The following NDUFA10 variants were observed in gnomAD, a reference collection of about 807,000 sequenced individuals.
The protein encoded by NDUFA10 is NADH:ubiquinone oxidoreductase subunit A10, also known as NADH dehydrogenase [ubiquinone] 1 alpha subcomplex subunit 10, mitochondrial.
Under a neutral mutation model 47.8 loss-of-function variants are expected in NDUFA10, and 40 were observed. The ratio of observed to expected loss-of-function variants is 0.84; its 90% CI spans 0.65 to 1.09. The LOEUF (loss-of-function observed/expected upper bound fraction) is 1.09. NDUFA10 is among the 50% of genes least tolerant of loss of function. NDUFA10 has a pLI of 0.00. For synonymous variants in NDUFA10, 183 were observed against 172.2 expected (o/e 1.06, Z -0.49); for missense variants, 413 against 451.1 (o/e 0.92, Z 0.76).
At chr2:239,976,852 T>A (rs953535484) in intron 9 of NDUFA10, among the ~76,000 whole-genome samples, 4 of 152,120 alleles carry the variant, frequency 2.6e-5, no homozygotes, top group Non-Finnish European at 5.9e-5. Flanking sequence ...AAAGACATGA[T>A]TCTCTCAGTA....
downstream of NDUFA10, among the ~76,000 whole-genome samples, chr2:239,954,568 A>G (rs1282178545): frequency 6.6e-6 from 1 of 152,236 alleles, no homozygotes; most frequent in Non-Finnish European, 1.5e-5. Flanking sequence ...AAGATAACAC[A>G]TACTGCTGAG....
intron 9 of NDUFA10, among the ~76,000 whole-genome samples, chr2:239,962,295 A>T (rs1056831813): frequency 6.6e-6 from 1 of 152,182 alleles, no homozygotes; most frequent in African/African-American, 2.4e-5. Context: ...TAAAAGAATC[A>T]GCTTTTCCTT....
intron 4 of NDUFA10, among the ~76,000 whole-genome samples, chr2:239,939,154 C>T (rs777004709): frequency 4.6e-5 from 7 of 152,180 alleles, no homozygotes; most frequent in Non-Finnish European, 8.8e-5. Flanking sequence ...ATCCAGCTGC[C>T]CGCGTTTCAT....
At position 239,961,177 on chromosome 2, in the gene NDUFA10, G is replaced by A. The variant is rs145023086; in HGVS notation, c.1009C>T (p.Arg337Cys). 34 of 1,607,164 alleles carry A rather than the reference G, an allele frequency of 2.1e-5. No homozygotes were observed. Among genetic ancestry groups the A allele is most frequent in the Non-Finnish European group, 2.7e-5 (32 of 1,176,676 alleles). ...GTGTTGTACCCAGGGCTGTACTTGC[G>A]GCCCGGCAGCTGTGGGGGAAAAAGG... The part of the protein sequence containing the change: ...VLHQFRELPG[R>C]KYSPGYNTEV... The change falls in exon 10 of 10, where the codon CGC (arginine) becomes TGC (cysteine). Residue 337 changes from arginine to cysteine, a missense_variant. Arg to Cys is a radical substitution (Grantham distance 180, BLOSUM62 -3). Coordinates refer to ENST00000252711, the MANE Select transcript of NDUFA10 (RefSeq NM_004544.4).
At chr2:239,979,339 C>T (rs904287075) in intron 9 of NDUFA10, among the ~76,000 whole-genome samples, 1 of 151,822 alleles carries the variant, frequency 6.6e-6, no homozygotes, top group Admixed American at 6.6e-5. Flanking sequence ...ACTGGCTCCA[C>T]CCCTCTCCTC....
chr2:240,025,305 T>TCAAGG lies in NDUFA10; in HGVS notation c.-5_-4insCCTTG. 6.6e-7 allele frequency: 1 copy of TCAAGG among 1,505,408 alleles called. No individual in the cohort carries two copies. The highest frequency in any genetic ancestry group is 8.8e-7 in the Non-Finnish European group (1 of 1,130,650). 93.3% of individuals were successfully genotyped at this position (1,505,408 alleles called of 1,614,324 possible). The stretch of plus-strand genomic sequence containing the variant: ...GCTTCAGGAGCCGCAAGGCCATGGC[T>TCAAGG]ACCCGGTCAGCTCAGGATCAAGGAC... On this transcript the variant is annotated 5_prime_UTR_variant, in exon 1 of 10. Coordinates refer to ENST00000252711, the MANE Select transcript of NDUFA10 (RefSeq NM_004544.4).
intron 4 of NDUFA10, among the ~76,000 whole-genome samples, chr2:239,936,947 G>C (rs1312678459): frequency 2.0e-5 from 3 of 152,174 alleles, no homozygotes; most frequent in African/African-American, 7.2e-5. Context: ...GTGACAGAGA[G>C]AGACCCTGTC....
chr2:240,025,197 CG>C, intron 1 of NDUFA10, 29 bp downstream of exon 1: 1 of 1,441,990 alleles, frequency 6.9e-7, no homozygotes, highest in Non-Finnish European at 9.1e-7. Context: ...CCTGCCACCC[CG>C]CCACCCTGCC....
chr2:239,915,425 C>CACAT (rs1238659075), intron 4 of NDUFA10, among the ~76,000 whole-genome samples: 3 of 148,130 alleles, frequency 2.0e-5, no homozygotes, highest in Admixed American at 6.7e-5. Context: ...TACACAGACA[C>CACAT]AAATATACAG....
At chr2:239,994,632 G>A (rs566896923) in intron 8 of NDUFA10, among the ~76,000 whole-genome samples, 3 of 152,118 alleles carry the variant, frequency 2.0e-5, no homozygotes, top group East Asian at 3.9e-4. Context: ...ACCCATCCCC[G>A]CCCCAGTCTG....
rs571297455 is a variant in NDUFA10, at chr2:239,898,601, C to T, written c.295-3287G>A. 4.1e-4 allele frequency among the ~76,000 whole-genome samples: 62 copies of T among 152,376 alleles called. 1 individual carries two copies. The highest frequency in any genetic ancestry group is 1.4e-3 in the African/African-American group (57 of 41,588). ...CAGGCAAGGAACGCCTCTCCAGGAA[C>T]GCCTCTCCTTCCTCTCCTTCCCTCT... On this transcript the variant is annotated intron_variant, in intron 4 of 5. Transcript: ENST00000419408.
At chr2:239,992,987 G>T (rs1333573797) in intron 8 of NDUFA10, among the ~76,000 whole-genome samples, 1 of 152,102 alleles carries the variant, frequency 6.6e-6, no homozygotes, top group Non-Finnish European at 1.5e-5. Flanking sequence ...GTACTCAAAT[G>T]AAAATAAACA....
Position 239,990,394 on chromosome 2 carries a change from C to T in NDUFA10, c.891-212G>A, listed in dbSNP as rs533705907. Among the ~76,000 whole-genome samples, 3 of 152,312 alleles carry T rather than the reference C, an allele frequency of 2.0e-5. No homozygotes were observed. The South Asian group carries it at 6.2e-4, about 32-fold the overall frequency. ...CTGCTTTTTAATATTACTCTCAGAACCTGAGGTAGCATCTTTTAAAAGCCT... is the reference window on the plus strand; with the variant it reads ...CTGCTTTTTAATATTACTCTCAGAATCTGAGGTAGCATCTTTTAAAAGCCT... On this transcript the variant is annotated intron_variant, in intron 8 of 9. Coordinates refer to ENST00000252711, the MANE Select transcript of NDUFA10 (RefSeq NM_004544.4).
intron 4 of NDUFA10, chr2:239,943,079 G>A (rs1401328922): frequency 1.3e-5 from 2 of 154,410 alleles, no homozygotes; most frequent in African/African-American, 4.8e-5. Flanking sequence ...TCCAGTCCTG[G>A]TCTCAGGCCA....
intron 4 of NDUFA10, among the ~76,000 whole-genome samples, chr2:240,015,625 C>T (rs1056801727): frequency 1.3e-5 from 2 of 152,340 alleles, no homozygotes; most frequent in Middle Eastern, 3.4e-3. Context: ...ATGCATAATC[C>T]AGGGGGCACC....
intron 8 of NDUFA10, among the ~76,000 whole-genome samples, chr2:240,000,125 C>T (rs779943132): frequency 1.3e-5 from 2 of 152,214 alleles, no homozygotes; most frequent in Non-Finnish European, 2.9e-5. Flanking sequence ...CATGTTACTG[C>T]TTTAGGTTAT....
In NDUFA10 at chr2:240,011,598, A is replaced by G; in HGVS notation, c.749+19T>C. On this transcript the variant is annotated intron_variant, in intron 6 of 9. Coordinates refer to ENST00000252711, the MANE Select transcript of NDUFA10 (RefSeq NM_004544.4). ...CGAAGAAGTTTTAGCCCTGTAAATC[A>G]GTCGTGTGTTTGGCTCACCTCATCT... 1 of 1,590,370 alleles carries G rather than the reference A, an allele frequency of 6.3e-7. No homozygotes were observed. The highest frequency in any genetic ancestry group is 8.6e-7 in the Non-Finnish European group (1 of 1,158,336).
At chr2:239,997,453 GT>G (rs755443506) in intron 8 of NDUFA10, among the ~76,000 whole-genome samples, 3 of 152,172 alleles carry the variant, frequency 2.0e-5, no homozygotes, top group Non-Finnish European at 4.4e-5. Flanking sequence ...GAAAGTTTTT[GT>G]TTGCATTTTG....
intron 1 of NDUFA10, 133 bp from the exon 2 acceptor site, chr2:240,022,473 T>C: frequency 2.3e-6 from 3 of 1,314,312 alleles, no homozygotes; most frequent in Non-Finnish European, 3.2e-6. Flanking sequence ...TTATTGCCTA[T>C]TAATTTGTTT....
Sources: gnomAD v4.1 joint callset for allele counts (sites outside exome capture counted in the v4.1 genomes callset) on GRCh38, gnomAD v4.1.1 for gene constraint, MANE v1.5 for transcripts, NCBI Gene and HGNC (gene_info 2026-07-23, HGNC 2026-07-21) for gene names.